The following ACTR3C variants were observed in gnomAD, a reference collection of about 807,000 sequenced individuals.
ACTR3C encodes the protein actin-related protein 3C.
In ACTR3C, 18 loss-of-function variants were observed where a neutral mutation model predicts 26.3. The ratio of observed to expected loss-of-function variants is 0.68; its 90% CI spans 0.47 to 1.01. The LOEUF (loss-of-function observed/expected upper bound fraction) is 1.01, where lower values mean the gene tolerates loss of function less well. ACTR3C is among the 50% of genes least tolerant of loss of function. ACTR3C has a pLI of 0.00. For missense variants in ACTR3C, 184 were observed against 250.7 expected (o/e 0.73, Z 1.80); for synonymous variants, 55 against 94.5 (o/e 0.58, Z 2.42).
the ACTR3C span, among the ~76,000 whole-genome samples, chr7:150,087,801 C>T: frequency 4.7e-4 from 72 of 152,282 alleles, no homozygotes; most frequent in African/African-American, 1.6e-3. Context: ...TTTAAATATT[C>T]AGATTCTCAA....
chr7:149,936,451 T>C, the ACTR3C span, among the ~76,000 whole-genome samples: 2 of 152,216 alleles, frequency 1.3e-5, no homozygotes, highest in Non-Finnish European at 2.9e-5. Context: ...TTCCTGCCCA[T>C]CCTGCTCATT....
At chr7:150,086,962 A>C in the ACTR3C span, among the ~76,000 whole-genome samples, 1 of 152,172 alleles carries the variant, frequency 6.6e-6, no homozygotes, top group East Asian at 1.9e-4. Flanking sequence ...AAAGACAAGA[A>C]AGTAGGCTCA....
chr7:149,998,202 A>G, the ACTR3C span, among the ~76,000 whole-genome samples: 1 of 151,336 alleles, frequency 6.6e-6, no homozygotes, highest in African/African-American at 2.4e-5. Context: ...TGCTGTAAGC[A>G]AAAAGCTGAG....
chr7:150,054,621 C>T, the ACTR3C span, among the ~76,000 whole-genome samples: 1 of 152,224 alleles, frequency 6.6e-6, no homozygotes, highest in Admixed American at 6.5e-5. Flanking sequence ...CCAGTGTAGA[C>T]CAGCTGAATC....
chr7:149,911,823 C>A, the ACTR3C span, among the ~76,000 whole-genome samples: 4 of 151,996 alleles, frequency 2.6e-5, no homozygotes, highest in African/African-American at 9.7e-5. Context: ...GTTCAAATCC[C>A]AGCCCCACTA....
the ACTR3C span, among the ~76,000 whole-genome samples, chr7:150,037,190 C>T: frequency 3.9e-4 from 14 of 35,634 alleles, 3 homozygotes; most frequent in South Asian, 1.6e-3. Flanking sequence ...CAGCCAGGGG[C>T]GGAAGAGGGG....
the ACTR3C span, among the ~76,000 whole-genome samples, chr7:149,926,066 A>G: frequency 1.3e-5 from 2 of 152,108 alleles, no homozygotes; most frequent in Non-Finnish European, 2.9e-5. Context: ...CTGTCTCAAA[A>G]AAACAGAAAA....
intron 6 of ACTR3C, among the ~76,000 whole-genome samples, chr7:150,280,976 A>G (rs1584915312): frequency 6.6e-6 from 1 of 152,262 alleles, no homozygotes; most frequent in Non-Finnish European, 1.5e-5. Context: ...GGTGTGGCAG[A>G]GGGAGAGAGA....
intron 1 of ACTR3C, among the ~76,000 whole-genome samples, chr7:150,314,421 G>A (rs542589764): frequency 1.4e-4 from 22 of 152,214 alleles, no homozygotes; most frequent in East Asian, 7.7e-4. Context: ...AGAGTGATCC[G>A]CCTCTACCTC....
the ACTR3C span, among the ~76,000 whole-genome samples, chr7:150,123,926 G>A: frequency 6.6e-6 from 1 of 152,190 alleles, no homozygotes; most frequent in Non-Finnish European, 1.5e-5. Flanking sequence ...CTCTCCTGGT[G>A]GAGCATGAGG....
the ACTR3C span, among the ~76,000 whole-genome samples, chr7:150,123,602 CACACACACACAA>C: frequency 2.1e-4 from 29 of 140,118 alleles, no homozygotes; most frequent in East Asian, 3.5e-3. Flanking sequence ...CACACACACA[CACACACACACAA>C]ACACACACCC....
chr7:150,267,982 A>T (rs1480481164), intron 6 of ACTR3C, among the ~76,000 whole-genome samples: 1 of 152,224 alleles, frequency 6.6e-6, no homozygotes, highest in Non-Finnish European at 1.5e-5. Flanking sequence ...TATATAAATT[A>T]TATCTCAAAG....
chr7:150,124,867 T>G, the ACTR3C span, among the ~76,000 whole-genome samples: 1,096 of 152,320 alleles, frequency 7.2e-3, 14 homozygotes, highest in African/African-American at 0.025. Context: ...AATTAGCCAC[T>G]CATTTAATTG....
At chr7:150,187,009 A>C in the ACTR3C span, among the ~76,000 whole-genome samples, 1 of 152,154 alleles carries the variant, frequency 6.6e-6, no homozygotes, top group Non-Finnish European at 1.5e-5. Flanking sequence ...GCTGATTTCA[A>C]GAAGATTGAA....
chr7:150,113,661 C>T, the ACTR3C span, among the ~76,000 whole-genome samples: 1 of 152,156 alleles, frequency 6.6e-6, no homozygotes, highest in Admixed American at 6.5e-5. Flanking sequence ...AAGGGTGATG[C>T]CATAAAACTC....
At chr7:150,234,536 C>T in the ACTR3C span, among the ~76,000 whole-genome samples, 1 of 152,056 alleles carries the variant, frequency 6.6e-6, no homozygotes, top group Non-Finnish European at 1.5e-5. Flanking sequence ...GAGTGTGACC[C>T]CAGGAGTTTA....
At chr7:150,119,159 C>T in the ACTR3C span, among the ~76,000 whole-genome samples, 1 of 152,172 alleles carries the variant, frequency 6.6e-6, no homozygotes, top group Non-Finnish European at 1.5e-5. Context: ...ACCATCGACA[C>T]TATGAAGAAA....
At chr7:149,942,391 T>C in the ACTR3C span, among the ~76,000 whole-genome samples, 4 of 151,974 alleles carry the variant, frequency 2.6e-5, no homozygotes, top group African/African-American at 4.8e-5. Flanking sequence ...GGGGTTCAAA[T>C]GGGAGTAAAT....
chr7:149,918,369 AT>A, the ACTR3C span, among the ~76,000 whole-genome samples: 55 of 152,148 alleles, frequency 3.6e-4, no homozygotes, highest in Admixed American at 2.0e-3. Flanking sequence ...AGCAAAAAAA[AT>A]TTTTAAGCAA....
Sources: gnomAD v4.1 joint callset for allele counts (sites outside exome capture counted in the v4.1 genomes callset) on GRCh38, gnomAD v4.1.1 for gene constraint, MANE v1.5 for transcripts, NCBI Gene and HGNC (gene_info 2026-07-23, HGNC 2026-07-21) for gene names.